The following SPAG16 variants were observed in gnomAD, a reference collection of about 807,000 sequenced individuals.
The protein encoded by SPAG16 is sperm associated antigen 16.
SPAG16 carries 86 observed loss-of-function variants against 80.4 expected under a neutral mutation model. The ratio of observed to expected loss-of-function variants is 1.07; its 90% confidence interval spans 0.90 to 1.28. SPAG16 has a LOEUF of 1.28. Ranked by LOEUF, SPAG16 falls within the 50% of genes most tolerant of loss-of-function variation. The pLI is 0.00. For missense variants in SPAG16, 870 were observed against 765.3 expected (o/e 1.14, Z -1.61); for synonymous variants, 294 against 265.9 (o/e 1.11, Z -1.03).
intron 10 of SPAG16, among the ~76,000 whole-genome samples, chr2:213,762,783 G>A (rs190734593): frequency 6.6e-6 from 1 of 152,152 alleles, no homozygotes. Context: ...ATAATAAGTC[G>A]AACTACACCA....
chr2:214,251,740 G>C (rs892555973), intron 15 of SPAG16, among the ~76,000 whole-genome samples: 1 of 152,094 alleles, frequency 6.6e-6, no homozygotes, highest in African/African-American at 2.4e-5. Context: ...TTGATTCACT[G>C]CCTCAGACAT....
At chr2:214,161,033 A>G (rs1225510967) in intron 15 of SPAG16, among the ~76,000 whole-genome samples, 1 of 152,082 alleles carries the variant, frequency 6.6e-6, no homozygotes, top group Non-Finnish European at 1.5e-5. Context: ...GCTCCCACTT[A>G]TAAGTGAGAA....
At chr2:213,553,516 C>A (rs552185808) in intron 10 of SPAG16, among the ~76,000 whole-genome samples, 6 of 152,258 alleles carry the variant, frequency 3.9e-5, no homozygotes, top group African/African-American at 1.4e-4. Context: ...TAACAATCCT[C>A]TGTTAAAAGA....
At chr2:214,180,630 C>G (rs2057281512) in intron 15 of SPAG16, among the ~76,000 whole-genome samples, 1 of 151,498 alleles carries the variant, frequency 6.6e-6, no homozygotes, top group Non-Finnish European at 1.5e-5. Context: ...AAGCAATATG[C>G]ACTGCACTGA....
At chr2:213,801,459 T>G (rs994762541) in intron 10 of SPAG16, among the ~76,000 whole-genome samples, 1 of 152,226 alleles carries the variant, frequency 6.6e-6, no homozygotes, top group African/African-American at 2.4e-5. Flanking sequence ...ATATGCCACA[T>G]TAGTTCCACA....
intron 8 of SPAG16, chr2:213,364,429 G>C: frequency 5.5e-6 from 1 of 180,358 alleles, no homozygotes. Flanking sequence ...TAAGCTGTAA[G>C]ATCAGACAAC....
intron 15 of SPAG16, among the ~76,000 whole-genome samples, chr2:214,329,875 C>T (rs544999121): frequency 2.6e-5 from 4 of 152,028 alleles, no homozygotes; most frequent in Admixed American, 1.3e-4. Context: ...CCTATATCAT[C>T]GATGAAATGT....
At chr2:213,478,405 A>G (rs569334245) in intron 9 of SPAG16, among the ~76,000 whole-genome samples, 143 of 152,300 alleles carry the variant, frequency 9.4e-4, no homozygotes, top group Non-Finnish European at 1.6e-3. Context: ...GTCTATATCA[A>G]TGTAGCAGTA....
intron 15 of SPAG16, among the ~76,000 whole-genome samples, chr2:214,164,950 G>A (rs548334177): frequency 4.4e-4 from 67 of 152,172 alleles, no homozygotes; most frequent in Non-Finnish European, 3.2e-4. Flanking sequence ...TTATATTCTT[G>A]TATAAGGGCT....
chr2:213,493,894 G>C (rs2074369050), intron 10 of SPAG16, among the ~76,000 whole-genome samples: 2 of 152,146 alleles, frequency 1.3e-5, no homozygotes, highest in Admixed American at 1.3e-4. Context: ...AGTGCGGACT[G>C]AATTAATAGC....
At chr2:213,921,242 T>C (rs547129859) in intron 11 of SPAG16, among the ~76,000 whole-genome samples, 79 of 152,352 alleles carry the variant, frequency 5.2e-4, no homozygotes, top group African/African-American at 1.9e-3. Flanking sequence ...TCTTGTTGAA[T>C]TGAAACTATT....
intron 12 of SPAG16, among the ~76,000 whole-genome samples, chr2:213,985,228 T>C (rs2045946915): frequency 6.6e-6 from 1 of 152,136 alleles, no homozygotes; most frequent in Admixed American, 6.6e-5. Context: ...TTTTTGGTGT[T>C]GTTTCATTTT....
intron 10 of SPAG16, among the ~76,000 whole-genome samples, chr2:213,675,442 A>G (rs2064012096): frequency 6.6e-6 from 1 of 152,170 alleles, no homozygotes; most frequent in African/African-American, 2.4e-5. Context: ...TTGGTGTTTT[A>G]GACATGAAGT....
At chr2:213,850,902 T>G (rs1234116242) in intron 10 of SPAG16, among the ~76,000 whole-genome samples, 5 of 152,118 alleles carry the variant, frequency 3.3e-5, no homozygotes, top group Non-Finnish European at 7.4e-5. Context: ...ATTTTTTTTC[T>G]CATAACATAC....
intron 15 of SPAG16, among the ~76,000 whole-genome samples, chr2:214,339,532 A>G (rs1697521656): frequency 6.6e-6 from 1 of 152,202 alleles, no homozygotes; most frequent in Admixed American, 6.5e-5. Flanking sequence ...TGTTTGATAG[A>G]AAATTTGTTG....
Position 214,351,365 on chromosome 2 carries a change from C to T in SPAG16, c.1721-58775C>T, listed in dbSNP as rs559231941. On this transcript the variant is annotated intron_variant, in intron 15 of 15. Coordinates refer to ENST00000331683, the MANE Select transcript of SPAG16 (RefSeq NM_024532.5). ...TATATGCCTTCATGGTATATTTATA[C>T]ACAGATAGGATTGTCTGTGTGTCTG... Among the ~76,000 whole-genome samples the T allele has an allele frequency of 7.2e-5, 11 of 151,842 alleles. No individual in the cohort carries two copies. The East Asian group carries it at 1.4e-3, about 19-fold the overall frequency.
chr2:214,187,125 T>C (rs13030947), intron 15 of SPAG16, among the ~76,000 whole-genome samples: 45,618 of 152,020 alleles, frequency 0.3, 8,530 homozygotes, highest in Non-Finnish European at 0.41. Flanking sequence ...GAGGAACCAC[T>C]ATGGTAGGAC....
chr2:213,773,871 G>C (rs942616930), intron 10 of SPAG16, among the ~76,000 whole-genome samples: 4 of 152,052 alleles, frequency 2.6e-5, no homozygotes, highest in Non-Finnish European at 5.9e-5. Flanking sequence ...AATTTCTATT[G>C]ACCTCTCTTC....
intron 15 of SPAG16, among the ~76,000 whole-genome samples, chr2:214,368,913 A>G (rs1301231466): frequency 6.6e-6 from 1 of 151,984 alleles, no homozygotes; most frequent in East Asian, 1.9e-4. Context: ...TCTCTTTCAT[A>G]TCCCCTTAAT....
Sources: allele counts gnomAD v4.1 joint callset (sites outside exome capture counted in the v4.1 genomes callset), GRCh38; gene constraint gnomAD v4.1.1; transcripts MANE v1.5; gene names NCBI Gene and HGNC (gene_info 2026-07-23, HGNC 2026-07-21).